PTP4A3: variants seen among roughly 807,000 people sequenced by gnomAD.
PTP4A3 encodes protein tyrosine phosphatase type IVA 3.
Under a neutral mutation model 15.2 loss-of-function variants are expected in PTP4A3, and 9 were observed. That is an observed-to-expected ratio of 0.59 (90% CI 0.36 to 1.03). The LOEUF is 1.03. PTP4A3 is among the 50% of genes least tolerant of loss of function. The probability of loss-of-function intolerance (pLI) is 0.02; values close to 1 mark genes in which losing one functional copy is unlikely to be tolerated. For missense variants in PTP4A3, 234 were observed against 252.1 expected (o/e 0.93, Z 0.49); for synonymous variants, 95 against 102.0 (o/e 0.93, Z 0.41).
intron 1 of PTP4A3, among the ~76,000 whole-genome samples, chr8:141,407,568 AT>A (rs34070633): frequency 0.021 from 2,893 of 139,752 alleles, 36 homozygotes; most frequent in Non-Finnish European, 0.032. Context: ...TAAACTTTCT[AT>A]TTTTTTTTTT....
chr8:141,425,216 C>T lies in PTP4A3; in HGVS notation c.198+76C>T. 3.6e-6 allele frequency: 5 copies of T among 1,403,294 alleles called. No individual in the cohort carries two copies. In the South Asian group the frequency reaches 6.2e-5, roughly 17 times the overall value. The allele number at this position is 1,403,294 out of a possible 1,614,324, so 86.9% of individuals were successfully genotyped here. On this transcript the variant is annotated intron_variant, in intron 3 of 5. Coordinates refer to ENST00000521578, the MANE Select transcript of PTP4A3 (RefSeq NM_032611.3). The surrounding 1 kb of genome is among the most constrained non-coding windows in gnomAD (Gnocchi z 4.2). ...TGGGGCGGGGGGCTCCGGGCCTGCG[C>T]AGAGGGTTTGGTGCCCCTCCTGTGG...
intron 1 of PTP4A3, among the ~76,000 whole-genome samples, chr8:141,409,500 G>A (rs1038592189): frequency 3.3e-5 from 5 of 152,202 alleles, no homozygotes; most frequent in Non-Finnish European, 7.4e-5. Flanking sequence ...GCACCACGGC[G>A]ATGCCCAGAG....
intron 1 of PTP4A3, among the ~76,000 whole-genome samples, chr8:141,400,190 G>A (rs1358415737): frequency 1.3e-5 from 2 of 152,272 alleles, no homozygotes; most frequent in Admixed American, 6.5e-5. Flanking sequence ...ACTGCGCCCG[G>A]CCCACCACTG....
chr8:141,395,023 G>C (rs910479619), intron 1 of PTP4A3, among the ~76,000 whole-genome samples: 1 of 152,238 alleles, frequency 6.6e-6, no homozygotes, highest in African/African-American at 2.4e-5. Flanking sequence ...GGACAGGGAC[G>C]GGTGCTTCCT....
chr8:141,394,708 C>T (rs748603573), intron 1 of PTP4A3, among the ~76,000 whole-genome samples: 11 of 152,238 alleles, frequency 7.2e-5, no homozygotes, highest in Non-Finnish European at 1.0e-4. Context: ...AAAAGACTTC[C>T]CATCCCTCCT....
chr8:141,428,944 C>T (rs1833714557), intron 5 of PTP4A3, among the ~76,000 whole-genome samples: 1 of 152,234 alleles, frequency 6.6e-6, no homozygotes, highest in Admixed American at 6.5e-5. Flanking sequence ...TGCGGGTGCA[C>T]ACCTTCCCCG....
chr8:141,427,120 CGTG>C lies in PTP4A3; in HGVS notation c.329+54_329+56del, dbSNP rs561741308. On this transcript the variant is annotated intron_variant, in intron 4 of 5. Coordinates refer to ENST00000521578, the MANE Select transcript of PTP4A3 (RefSeq NM_032611.3). ...CGCCATGTCAGGTGGTTGGGCATCT[CGTG>C]GTCTGACAGCCTCGCTTTTGGATGT... The C allele has an allele frequency of 5.9e-4, 926 of 1,576,828 alleles. 14 individuals are homozygous for C. In the South Asian group the frequency reaches 9.8e-3, roughly 17 times the overall value.
intron 1 of PTP4A3, among the ~76,000 whole-genome samples, chr8:141,407,016 A>G (rs1832747126): frequency 6.6e-6 from 1 of 151,922 alleles, no homozygotes; most frequent in African/African-American, 2.4e-5. Flanking sequence ...CTTGGGAGGT[A>G]CCCTTTGCCC....
In PTP4A3 at chr8:141,432,172, A is replaced by C. The variant is rs906863591; in HGVS notation, c.*1128A>C. On this transcript the variant is annotated 3_prime_UTR_variant, in exon 6 of 6. Transcript: ENST00000521578. ...CTAGGGCTGGCTCCAGGGTGTGGAGAGCCTGGGAGTGGTCTCCGTCCTGGG... is the reference window on the plus strand; with the variant it reads ...CTAGGGCTGGCTCCAGGGTGTGGAGCGCCTGGGAGTGGTCTCCGTCCTGGG... 9 of 151,760 alleles carry C rather than the reference A, an allele frequency of 5.9e-5. No homozygotes were observed. The highest frequency in any genetic ancestry group is 2.2e-4 in the African/African-American group (9 of 41,208). The allele number at this position is 151,760 out of a possible 1,614,324, so 9.4% of individuals were successfully genotyped here. A position where few individuals can be genotyped will look rare whatever the true frequency, so the allele number is the denominator to read the frequency against.
chr8:141,409,428 C>G (rs1455054480), intron 1 of PTP4A3, among the ~76,000 whole-genome samples: 3 of 152,192 alleles, frequency 2.0e-5, no homozygotes, highest in African/African-American at 4.8e-5. Context: ...TCTGTGGACC[C>G]GGCACCCAGT....
At chr8:141,396,733 G>T (rs1832460088) in intron 1 of PTP4A3, among the ~76,000 whole-genome samples, 4 of 152,184 alleles carry the variant, frequency 2.6e-5, no homozygotes, top group African/African-American at 9.7e-5. Context: ...GGCTAGCTTG[G>T]CCACGCCAGC....
At chr8:141,398,956 GCCCTGT>G (rs1312182582) in intron 1 of PTP4A3, among the ~76,000 whole-genome samples, 1 of 152,092 alleles carries the variant, frequency 6.6e-6, no homozygotes. Flanking sequence ...GGGTGGCCCT[GCCCTGT>G]CCCTGTCCCC....
intron 3 of PTP4A3, 56 bp from the exon 4 acceptor site, chr8:141,426,883 A>C (rs1036532058): frequency 1.3e-6 from 2 of 1,576,456 alleles, no homozygotes; most frequent in African/African-American, 2.7e-5. Flanking sequence ...TGAGCCCCAG[A>C]GCCGCCTCTC....
At chr8:141,417,911 C>T (rs559972470) in intron 1 of PTP4A3, among the ~76,000 whole-genome samples, 1 of 152,000 alleles carries the variant, frequency 6.6e-6, no homozygotes, top group African/African-American at 2.4e-5. Context: ...GTGGCGGCAG[C>T]GCCTGGAGCC....
intron 3 of PTP4A3, chr8:141,426,317 G>C: frequency 1.8e-6 from 1 of 553,216 alleles, no homozygotes; most frequent in African/African-American, 2.0e-5. Context: ...GATCTAGGGC[G>C]CTGGGGGACG....
intron 2 of PTP4A3, among the ~76,000 whole-genome samples, chr8:141,422,676 C>T (rs957183289): frequency 8.5e-5 from 13 of 152,206 alleles, no homozygotes; most frequent in Middle Eastern, 3.2e-3. Flanking sequence ...CGTGCTCAGC[C>T]GTGGCCTGGG....
chr8:141,394,576 T>C (rs1832389576), intron 1 of PTP4A3, among the ~76,000 whole-genome samples: 1 of 152,184 alleles, frequency 6.6e-6, no homozygotes, highest in African/African-American at 2.4e-5. Context: ...CCTCCCAGTG[T>C]CTTGCTGGAT....
intron 1 of PTP4A3, among the ~76,000 whole-genome samples, chr8:141,418,271 C>G (rs1833148702): frequency 6.6e-6 from 1 of 152,244 alleles, no homozygotes; most frequent in African/African-American, 2.4e-5. Context: ...CCTCCTCCCC[C>G]AAAATCACAG....
rs189463907 is a variant in PTP4A3, at chr8:141,425,377, G to A, written c.198+237G>A. 3.7e-3 allele frequency among the ~76,000 whole-genome samples: 566 copies of A among 152,148 alleles called. 4 individuals carry two copies. Among genetic ancestry groups the A allele is most frequent in the African/African-American group, 0.012 (495 of 41,522 alleles). On this transcript the variant is annotated intron_variant, in intron 3 of 5. Coordinates refer to ENST00000521578, the MANE Select transcript of PTP4A3 (RefSeq NM_032611.3). This position sits in a 1 kb window ranked among gnomAD's most constrained non-coding sequence, Gnocchi z 4.2. The stretch of plus-strand genomic sequence containing the variant: ...TTCTGTCTCTAGGGTGGGCCAGCAC[G>A]GTTCGCCAGGCAGGGGTGGCACATG...
Sources: gnomAD v4.1 joint callset for allele counts (sites outside exome capture counted in the v4.1 genomes callset) on GRCh38, gnomAD v4.1.1 for gene constraint, Gnocchi (gnomAD v3.1) non-coding constraint, MANE v1.5 for transcripts, NCBI Gene and HGNC (gene_info 2026-07-23, HGNC 2026-07-21) for gene names.